Variants in AMD1 observed in about 807,000 individuals in gnomAD.
The protein encoded by AMD1 is S-adenosylmethionine decarboxylase proenzyme.
A neutral mutation model predicts 40.2 loss-of-function variants in AMD1; 11 were observed. That is an observed-to-expected ratio of 0.27 (90% CI 0.17 to 0.45). The LOEUF (loss-of-function observed/expected upper bound fraction) is 0.45, where lower values mean the gene tolerates loss of function less well. Ranked by LOEUF, AMD1 falls within the 20% of genes least tolerant of loss-of-function variation. AMD1 has a pLI of 1.00. For missense variants in AMD1, 257 were observed against 410.2 expected (o/e 0.63, Z 3.23); for synonymous variants, 121 against 130.8 (o/e 0.93, Z 0.51).
the AMD1 span, chr6:110,858,389 C>T: frequency 7.1e-6 from 6 of 844,590 alleles, no homozygotes; most frequent in Non-Finnish European, 8.3e-6. Flanking sequence ...CCCCGACTTC[C>T]AGAAGGGCCT....
the AMD1 span, among the ~76,000 whole-genome samples, chr6:110,855,954 C>T: frequency 6.4e-3 from 972 of 152,188 alleles, 9 homozygotes; most frequent in Middle Eastern, 0.014. Context: ...GTGGCACATG[C>T]CTGTAGCCCC....
the AMD1 span, among the ~76,000 whole-genome samples, chr6:110,839,986 G>A: frequency 5.3e-5 from 8 of 151,250 alleles, no homozygotes; most frequent in South Asian, 2.1e-4. Context: ...TGTTATACAC[G>A]GGAAGTAAGT....
chr6:110,881,398 A>G (rs1562336001), intron 1 of AMD1, among the ~76,000 whole-genome samples: 1 of 152,192 alleles, frequency 6.6e-6, no homozygotes, highest in African/African-American at 2.4e-5. Context: ...CAAAATTACT[A>G]CAAGTTGAGA....
chr6:110,844,322 T>C, the AMD1 span, among the ~76,000 whole-genome samples: 2 of 151,664 alleles, frequency 1.3e-5, no homozygotes, highest in African/African-American at 2.4e-5. Context: ...AATGCCTGGC[T>C]AGTTTTTGTA....
the AMD1 span, among the ~76,000 whole-genome samples, chr6:110,852,200 A>ATTTTT: frequency 2.3e-3 from 116 of 51,304 alleles, 25 homozygotes; most frequent in African/African-American, 3.0e-3. Flanking sequence ...CGCCTGGCTA[A>ATTTTT]TTTTTTTTTT....
chr6:110,883,378 G>A (rs1785507538), intron 1 of AMD1, among the ~76,000 whole-genome samples: 1 of 152,116 alleles, frequency 6.6e-6, no homozygotes, highest in African/African-American at 2.4e-5. Context: ...CAGAAACCCA[G>A]AACTGAAAAG....
chr6:110,873,539 C>T (rs910009470), upstream of AMD1, among the ~76,000 whole-genome samples: 1 of 152,178 alleles, frequency 6.6e-6, no homozygotes, highest in Admixed American at 6.5e-5. Context: ...ATGTTGACAT[C>T]ATCTTATTTC....
At chr6:110,837,952 C>T in the AMD1 span, among the ~76,000 whole-genome samples, 1 of 148,946 alleles carries the variant, frequency 6.7e-6, no homozygotes. Context: ...ATCCCAGCTA[C>T]TCAGGAGGCT....
intron 1 of AMD1, 61 bp from the exon 2 acceptor site, chr6:110,887,444 A>C: frequency 8.2e-7 from 1 of 1,218,292 alleles, no homozygotes; most frequent in Non-Finnish European, 1.2e-6. Context: ...TGAGCTTTGT[A>C]ATTTTTATGA....
intron 1 of AMD1, among the ~76,000 whole-genome samples, chr6:110,877,796 C>CCT (rs1173168863): frequency 6.6e-6 from 1 of 152,152 alleles, no homozygotes; most frequent in Non-Finnish European, 1.5e-5. Flanking sequence ...GCAGCCTTGA[C>CCT]CTCCTGGGCT....
At chr6:110,889,876 AAT>A (rs1198530669) in intron 3 of AMD1, 6 of 163,892 alleles carry the variant, frequency 3.7e-5, no homozygotes, top group African/African-American at 1.2e-4. Flanking sequence ...GCTTAAAACT[AAT>A]ATGTTATTCC....
At chr6:110,886,100 C>CAA (rs1554236986) in intron 1 of AMD1, among the ~76,000 whole-genome samples, 3 of 151,360 alleles carry the variant, frequency 2.0e-5, no homozygotes, top group Non-Finnish European at 4.4e-5. Context: ...ACTAAAAATA[C>CAA]AAAAATTAGC....
chr6:110,859,063 TGGCCGACAGGGCTCCCTCG>T, the AMD1 span: 10 of 1,260,186 alleles, frequency 7.9e-6, no homozygotes, highest in Non-Finnish European at 1.2e-5. Flanking sequence ...GAAGGCACAG[TGGCCGACAGGGCTCCCTCG>T]GGCGCGCAGG....
At chr6:110,886,923 T>C (rs1349113917) in intron 1 of AMD1, among the ~76,000 whole-genome samples, 1 of 152,250 alleles carries the variant, frequency 6.6e-6, no homozygotes, top group Non-Finnish European at 1.5e-5. Flanking sequence ...TTCATTGCTA[T>C]GGTTGCTTGT....
At chr6:110,857,635 G>T in the AMD1 span, among the ~76,000 whole-genome samples, 1,232 of 111,376 alleles carry the variant, frequency 0.011, 9 homozygotes, top group Middle Eastern at 0.025. Context: ...TATATATATA[G>T]ATGGTATATA....
At chr6:110,828,580 C>G in the AMD1 span, among the ~76,000 whole-genome samples, 1 of 152,204 alleles carries the variant, frequency 6.6e-6, no homozygotes, top group African/African-American at 2.4e-5. Context: ...GAGAACTGAG[C>G]TGCAAATCTT....
chr6:110,833,264 A>C, the AMD1 span, among the ~76,000 whole-genome samples: 3 of 152,242 alleles, frequency 2.0e-5, no homozygotes, highest in Non-Finnish European at 4.4e-5. Flanking sequence ...AGAATGCTTC[A>C]GTTGTCCAGA....
At chr6:110,854,551 C>T in the AMD1 span, among the ~76,000 whole-genome samples, 27 of 151,900 alleles carry the variant, frequency 1.8e-4, no homozygotes, top group East Asian at 1.5e-3. Context: ...CGGGTTCAAA[C>T]GATTCTCCTG....
the AMD1 span, among the ~76,000 whole-genome samples, chr6:110,861,566 G>A: frequency 6.6e-6 from 1 of 151,648 alleles, no homozygotes; most frequent in South Asian, 2.1e-4. Context: ...AATAGGCCAG[G>A]CACGGTGGCT....
Sources: gnomAD v4.1 joint callset for allele counts (sites outside exome capture counted in the v4.1 genomes callset) on GRCh38, gnomAD v4.1.1 for gene constraint, MANE v1.5 for transcripts, NCBI Gene and HGNC (gene_info 2026-07-23, HGNC 2026-07-21) for gene names.